Variants in ZDHHC21 observed in about 807,000 individuals in gnomAD.
The protein encoded by ZDHHC21 is palmitoyltransferase ZDHHC21.
In ZDHHC21, 15 loss-of-function variants were observed where a neutral mutation model predicts 34.6. The ratio of observed to expected loss-of-function variants is 0.43; its 90% CI spans 0.29 to 0.67. ZDHHC21 has a LOEUF of 0.67. Among genes scored for constraint, ZDHHC21 ranks in the 30% least tolerant of loss-of-function variants. The pLI, the probability that ZDHHC21 is intolerant of heterozygous loss-of-function variation, is 0.14. For missense variants in ZDHHC21, 344 were observed against 327.7 expected (o/e 1.05, Z -0.38); for synonymous variants, 142 against 101.8 (o/e 1.40, Z -2.38).
chr9:14,673,161 G>C (rs1281944416), intron 4 of ZDHHC21, among the ~76,000 whole-genome samples: 1 of 151,898 alleles, frequency 6.6e-6, no homozygotes, highest in African/African-American at 2.4e-5. Flanking sequence ...TTACATGATA[G>C]TAACTCAAAG....
At chr9:14,647,048 A>C (rs1830381662) in intron 7 of ZDHHC21, among the ~76,000 whole-genome samples, 1 of 152,154 alleles carries the variant, frequency 6.6e-6, no homozygotes, top group Non-Finnish European at 1.5e-5. Flanking sequence ...AGAGAAAAGT[A>C]TCTACAAGGA....
At chr9:14,658,213 G>T (rs13289971) in intron 7 of ZDHHC21, among the ~76,000 whole-genome samples, 63,620 of 151,892 alleles carry the variant, frequency 0.42, 13,641 homozygotes, top group African/African-American at 0.49. Context: ...CGTATTGAAA[G>T]ATTCAACGTG....
chr9:14,599,467 C>A, the ZDHHC21 span, among the ~76,000 whole-genome samples: 10 of 152,140 alleles, frequency 6.6e-5, no homozygotes, highest in Non-Finnish European at 1.2e-4. Context: ...CAGGAGATAC[C>A]CTCAGGTGCC....
Position 14,619,725 on chromosome 9 carries a change from TAA to T in ZDHHC21, c.622-45_622-44del, listed in dbSNP as rs1264749947. On this transcript the variant is annotated intron_variant, in intron 8 of 9. Transcript: ENST00000380916. ...TTATATTCAGATGTAAGAAAGTTAT[TAA>T]GTCTTTATTCTGTATCCACTCTATC... 7 of 1,133,910 alleles carry T rather than the reference TAA, an allele frequency of 6.2e-6. No individual in the cohort carries two copies. In the East Asian group the frequency reaches 1.7e-4, roughly 28 times the overall value. The allele number at this position is 1,133,910 out of a possible 1,614,324, so 70.2% of individuals were successfully genotyped here.
intron 7 of ZDHHC21, among the ~76,000 whole-genome samples, chr9:14,645,916 T>G (rs190590978): frequency 6.6e-6 from 1 of 152,136 alleles, no homozygotes; most frequent in Non-Finnish European, 1.5e-5. Context: ...TAAGTATTAG[T>G]AAGGATATGA....
chr9:14,641,447 T>C (rs1019711853), intron 7 of ZDHHC21, among the ~76,000 whole-genome samples: 3 of 152,226 alleles, frequency 2.0e-5, no homozygotes, highest in Non-Finnish European at 4.4e-5. Context: ...AAATTTGTTC[T>C]AACATAATTG....
chr9:14,600,879 T>C, the ZDHHC21 span, among the ~76,000 whole-genome samples: 3 of 152,242 alleles, frequency 2.0e-5, no homozygotes, highest in Non-Finnish European at 2.9e-5. Flanking sequence ...TTGACAAATA[T>C]GACAAAAACA....
At chr9:14,646,776 C>A (rs1275780762) in intron 7 of ZDHHC21, among the ~76,000 whole-genome samples, 1 of 152,112 alleles carries the variant, frequency 6.6e-6, no homozygotes, top group East Asian at 1.9e-4. Flanking sequence ...TACAGAAAAT[C>A]CCAGTATTCC....
chr9:14,607,396 C>G (rs1458151188), downstream of ZDHHC21, among the ~76,000 whole-genome samples: 4 of 151,184 alleles, frequency 2.6e-5, no homozygotes, highest in Non-Finnish European at 5.9e-5. Context: ...AGAGGCAGAC[C>G]CTGTATCCAA....
chr9:14,678,579 T>C (rs1836832565), intron 3 of ZDHHC21, among the ~76,000 whole-genome samples: 1 of 152,108 alleles, frequency 6.6e-6, no homozygotes, highest in Non-Finnish European at 1.5e-5. Flanking sequence ...TTGGTGGGCA[T>C]GTAAGCTGAT....
the ZDHHC21 span, among the ~76,000 whole-genome samples, chr9:14,595,629 CAG>C: frequency 6.6e-6 from 1 of 152,038 alleles, no homozygotes; most frequent in Non-Finnish European, 1.5e-5. Context: ...AAGTAACAAA[CAG>C]GAAGAAAATA....
rs1172272616 is a variant in ZDHHC21, at chr9:14,618,089, A to G, written c.*877T>C. On this transcript the variant is annotated 3_prime_UTR_variant, in exon 10 of 10. Transcript: ENST00000380916. ...CTAGTTATACTAGCATTTTAAAAACATATGCATTCTAATATAACTGCACTA... is the reference window on the plus strand; with the variant it reads ...CTAGTTATACTAGCATTTTAAAAACGTATGCATTCTAATATAACTGCACTA... The G allele has an allele frequency of 6.6e-6, 1 of 152,526 alleles. No homozygotes were observed. The highest frequency in any genetic ancestry group is 1.5e-5 in the Non-Finnish European group (1 of 67,982). 9.4% of individuals were successfully genotyped at this position (152,526 alleles called of 1,614,324 possible).
chr9:14,682,778 T>C (rs1198831789), intron 2 of ZDHHC21, among the ~76,000 whole-genome samples: 3 of 152,154 alleles, frequency 2.0e-5, no homozygotes, highest in Admixed American at 1.3e-4. Context: ...ACTGACCACA[T>C]AGTTAGAAGT....
At chr9:14,653,831 T>C (rs966821927) in intron 7 of ZDHHC21, among the ~76,000 whole-genome samples, 28 of 151,980 alleles carry the variant, frequency 1.8e-4, no homozygotes, top group Middle Eastern at 3.2e-3. Context: ...TTGACACCTA[T>C]GAGGAAACAG....
rs1823468463 is a variant in ZDHHC21 at position 14,612,471 on chromosome 9, C to T, written c.*6495G>A. The T allele has an allele frequency of 6.6e-6, 1 of 151,900 alleles. No individual in the cohort carries two copies. The highest frequency in any genetic ancestry group is 6.6e-5 in the Admixed American group (1 of 15,208). The allele number at this position is 151,900 out of a possible 1,614,324, so 9.4% of individuals were successfully genotyped here. ...TAGCAGCATTACATTTGGACAATTACATTTCAAAGGTGTTTTAAATTACGA... is the reference window on the plus strand; with the variant it reads ...TAGCAGCATTACATTTGGACAATTATATTTCAAAGGTGTTTTAAATTACGA... On this transcript the variant is annotated 3_prime_UTR_variant, in exon 10 of 10. Coordinates refer to ENST00000380916, the MANE Select transcript of ZDHHC21 (RefSeq NM_178566.6).
At chr9:14,608,777 T>G (rs1055559179), downstream of ZDHHC21, among the ~76,000 whole-genome samples, 1 of 152,142 alleles carries the variant, frequency 6.6e-6, no homozygotes, top group African/African-American at 2.4e-5. Context: ...ATATAATTGC[T>G]GCTCATATGG....
At chr9:14,683,057 G>C (rs964133934) in intron 2 of ZDHHC21, among the ~76,000 whole-genome samples, 12 of 151,934 alleles carry the variant, frequency 7.9e-5, no homozygotes, top group Admixed American at 5.2e-4. Flanking sequence ...GAAATTTATA[G>C]CACTAAATGC....
chr9:14,661,012 C>G (rs1256110943), intron 6 of ZDHHC21, among the ~76,000 whole-genome samples: 1 of 152,156 alleles, frequency 6.6e-6, no homozygotes, highest in African/African-American at 2.4e-5. Context: ...AAGAAAATTA[C>G]TTGGGAATTA....
intron 5 of ZDHHC21, among the ~76,000 whole-genome samples, chr9:14,665,796 G>A (rs1007817301): frequency 6.8e-6 from 1 of 147,384 alleles, no homozygotes; most frequent in Non-Finnish European, 1.5e-5. Context: ...ACAAGCAAAT[G>A]CTGACCAATT....
Sources: gnomAD v4.1 joint callset for allele counts (sites outside exome capture counted in the v4.1 genomes callset) on GRCh38, gnomAD v4.1.1 for gene constraint, MANE v1.5 for transcripts, NCBI Gene and HGNC (gene_info 2026-07-23, HGNC 2026-07-21) for gene names.